MGAT4C: variants seen among roughly 807,000 people sequenced by gnomAD.
The protein encoded by MGAT4C is alpha-1,3-mannosyl-glycoprotein 4-beta-N-acetylglucosaminyltransferase C.
Under a neutral mutation model 40.1 loss-of-function variants are expected in MGAT4C, and 19 were observed. The ratio of observed to expected loss-of-function variants is 0.47; its 90% CI spans 0.33 to 0.70. The LOEUF is 0.70. Among genes scored for constraint, MGAT4C ranks in the 30% least tolerant of loss-of-function variants. The probability of loss-of-function intolerance (pLI) is 0.02; values close to 1 mark genes in which losing one functional copy is unlikely to be tolerated. For synonymous variants in MGAT4C, 181 were observed against 187.1 expected, an observed-to-expected ratio of 0.97 and a Z score of 0.27; for missense variants, 491 against 563.2, an observed-to-expected ratio of 0.87 and a Z score of 1.30.
At chr12:86,660,181 A>G (rs188133291) in intron 2 of MGAT4C, among the ~76,000 whole-genome samples, 1 of 152,276 alleles carries the variant, frequency 6.6e-6, no homozygotes, top group Admixed American at 6.5e-5. Context: ...AGAAGTGAAA[A>G]GGGAGTGTAA....
intron 1 of MGAT4C, among the ~76,000 whole-genome samples, chr12:86,762,857 G>T (rs1028584362): frequency 4.6e-5 from 7 of 152,130 alleles, no homozygotes; most frequent in African/African-American, 1.7e-4. Flanking sequence ...GATGCTCAAT[G>T]CTCCATTCTG....
intron 2 of MGAT4C, among the ~76,000 whole-genome samples, chr12:86,713,376 G>A (rs1950592556): frequency 2.0e-5 from 3 of 151,976 alleles, no homozygotes; most frequent in Admixed American, 6.6e-5. Context: ...CTATTAGGGT[G>A]ACCCTACCCT....
chr12:86,174,227 A>C (rs1207089713), intron 1 of MGAT4C, among the ~76,000 whole-genome samples: 1 of 151,672 alleles, frequency 6.6e-6, no homozygotes, highest in Non-Finnish European at 1.5e-5. Flanking sequence ...TTATTATTGC[A>C]CGGAATTTAC....
chr12:86,495,052 A>G (rs1442508571), intron 2 of MGAT4C, among the ~76,000 whole-genome samples: 1 of 152,080 alleles, frequency 6.6e-6, no homozygotes, highest in African/African-American at 2.4e-5. Flanking sequence ...TGATCTAGCA[A>G]TTCCACTTCT....
At chr12:86,441,235 C>T (rs559852737) in intron 2 of MGAT4C, among the ~76,000 whole-genome samples, 1 of 151,682 alleles carries the variant, frequency 6.6e-6, no homozygotes, top group African/African-American at 2.4e-5. Context: ...GATATAGTAA[C>T]CAAAATAGTA....
intron 2 of MGAT4C, among the ~76,000 whole-genome samples, chr12:86,687,624 A>G (rs1292529805): frequency 2.0e-5 from 3 of 152,298 alleles, no homozygotes; most frequent in African/African-American, 4.8e-5. Flanking sequence ...CAGGTTGTTC[A>G]GTTTCCATGT....
chr12:86,772,637 G>A lies in MGAT4C; in HGVS notation c.-261-45396C>T, dbSNP rs1018147192. On this transcript the variant is annotated intron_variant, in intron 1 of 7. Coordinates refer to the MGAT4C transcript ENST00000548651. ...AAAGAATAGGACTGCTACCATGATG[G>A]TCCAGAGGACTTAAGATTTGGCTCC... Among the ~76,000 whole-genome samples, 3 of 59,628 alleles carry A rather than the reference G, an allele frequency of 5.0e-5. No individual in the cohort carries two copies. The Admixed American group carries it at 6.1e-4, about 12-fold the overall frequency. 39.1% of individuals were successfully genotyped at this position (59,628 alleles called of 152,430 possible).
At chr12:86,822,568 C>CTTT (rs34928513) in intron 1 of MGAT4C, among the ~76,000 whole-genome samples, 95,731 of 150,442 alleles carry the variant, frequency 0.64, 31,701 homozygotes, top group Middle Eastern at 0.72. Flanking sequence ...AAATAGACTT[C>CTTT]AAGTCAAAAA....
chr12:86,780,568 G>A (rs1327964602), intron 1 of MGAT4C, among the ~76,000 whole-genome samples: 1 of 152,112 alleles, frequency 6.6e-6, no homozygotes, highest in Non-Finnish European at 1.5e-5. Flanking sequence ...CGTAAGATGT[G>A]CATGGATTCC....
At chr12:86,567,726 T>C (rs1444404710) in intron 2 of MGAT4C, among the ~76,000 whole-genome samples, 2 of 152,212 alleles carry the variant, frequency 1.3e-5, no homozygotes, top group Non-Finnish European at 1.5e-5. Context: ...TGGTCATCAA[T>C]ACCAGCTACA....
At chr12:86,685,275 C>T (rs1208698325) in intron 2 of MGAT4C, among the ~76,000 whole-genome samples, 2 of 152,120 alleles carry the variant, frequency 1.3e-5, no homozygotes, top group East Asian at 3.9e-4. Flanking sequence ...TTTCCCAACA[C>T]CATTTATTAA....
chr12:86,391,383 T>G (rs1329247591), intron 3 of MGAT4C, among the ~76,000 whole-genome samples: 1 of 152,182 alleles, frequency 6.6e-6, no homozygotes, highest in East Asian at 1.9e-4. Context: ...AATCAGAATG[T>G]GAAAGGGCAG....
At chr12:86,359,527 T>A (rs558090779) in intron 3 of MGAT4C, among the ~76,000 whole-genome samples, 34 of 150,752 alleles carry the variant, frequency 2.3e-4, no homozygotes, top group African/African-American at 6.8e-4. Flanking sequence ...CTTCAAAAAA[T>A]CAATGAATCC....
intron 4 of MGAT4C, among the ~76,000 whole-genome samples, chr12:86,327,982 C>A (rs1168770046): frequency 6.6e-6 from 1 of 152,054 alleles, no homozygotes; most frequent in Non-Finnish European, 1.5e-5. Flanking sequence ...TTGCATTGTT[C>A]TAGACCTCCA....
chr12:86,368,442 A>C (rs891422061), intron 3 of MGAT4C, among the ~76,000 whole-genome samples: 6 of 144,104 alleles, frequency 4.2e-5, no homozygotes, highest in African/African-American at 1.5e-4. Flanking sequence ...TTTAGGCTTG[A>C]TTTTTTTATT....
chr12:86,775,887 TATCA>T (rs1322793564), intron 1 of MGAT4C, among the ~76,000 whole-genome samples: 1 of 151,696 alleles, frequency 6.6e-6, no homozygotes, highest in Non-Finnish European at 1.5e-5. Flanking sequence ...CTTGAGTCAT[TATCA>T]ATCATAGGAT....
At chr12:86,194,069 A>AT (rs1355835356) in intron 1 of MGAT4C, among the ~76,000 whole-genome samples, 4 of 151,338 alleles carry the variant, frequency 2.6e-5, no homozygotes, top group African/African-American at 9.7e-5. Context: ...TTTGTAATGT[A>AT]TTTTTTTCTG....
At chr12:86,305,617 C>A (rs907978087) in intron 4 of MGAT4C, among the ~76,000 whole-genome samples, 2 of 150,120 alleles carry the variant, frequency 1.3e-5, no homozygotes, top group Non-Finnish European at 2.9e-5. Context: ...GGTTCAAAGA[C>A]TCCCCATGAA....
intron 4 of MGAT4C, among the ~76,000 whole-genome samples, chr12:86,270,746 G>A (rs2136107412): frequency 6.6e-6 from 1 of 152,240 alleles, no homozygotes; most frequent in Non-Finnish European, 1.5e-5. Context: ...CAAAGCTGAA[G>A]GCATCACATC....
Sources: gnomAD v4.1 joint callset for allele counts (sites outside exome capture counted in the v4.1 genomes callset) on GRCh38, gnomAD v4.1.1 for gene constraint, MANE v1.5 for transcripts, NCBI Gene and HGNC (gene_info 2026-07-23, HGNC 2026-07-21) for gene names.